The following CRHBP variants were observed in gnomAD, a reference collection of about 807,000 sequenced individuals.
CRHBP encodes the protein corticotropin-releasing hormone-binding protein.
Under a neutral mutation model 34.9 loss-of-function variants are expected in CRHBP, and 19 were observed. That is an observed-to-expected ratio of 0.55 (90% confidence interval 0.38 to 0.80). CRHBP has a LOEUF of 0.80. Among genes scored for constraint, CRHBP ranks in the 30% least tolerant of loss-of-function variants. The pLI is 0.00. For synonymous variants in CRHBP, 154 were observed against 153.4 expected (o/e 1.00, Z -0.03); for missense variants, 328 against 409.2 (o/e 0.80, Z 1.71).
At position 76,979,188 on chromosome 5, in the gene CRHBP, T is replaced by A. The variant is rs116598069; in HGVS notation, n.468-1773T>A. 8.1e-3 allele frequency among the ~76,000 whole-genome samples: 1,238 copies of A among 152,286 alleles called. 22 individuals carry two copies. Among genetic ancestry groups the A allele is most frequent in the African/African-American group, 0.028 (1,182 of 41,544 alleles). ...GTCTCTTCTTTTCTTTTCCTTTTTT[T>A]CGAGATGGGGTCTTTCTCTGTTGCC... is the stretch of plus-strand genomic sequence containing the variant. On this transcript the variant is annotated intron_variant and non_coding_transcript_variant, in intron 3 of 3. Coordinates refer to the CRHBP transcript ENST00000514258.
chr5:76,955,434 C>G (rs1201662512), intron 3 of CRHBP, among the ~76,000 whole-genome samples: 1 of 152,114 alleles, frequency 6.6e-6, no homozygotes, highest in African/African-American at 2.4e-5. Context: ...ACTTTGGAAG[C>G]TTTAAGGCTT....
chr5:76,974,805 T>TAC lies in CRHBP; in HGVS notation n.312-1556_312-1555dup, dbSNP rs2150711448. On this transcript the variant is annotated intron_variant and non_coding_transcript_variant, in intron 2 of 3. Coordinates refer to the CRHBP transcript ENST00000514258. ...TTTTTCTTCATTTGTTAAGACAAAC[T>TAC]ACACAAAGAGAAAAGAAACAGAGAT... Among the ~76,000 whole-genome samples, 2 of 152,252 alleles carry TAC rather than the reference T, an allele frequency of 1.3e-5. 1 individual carries two copies. The highest frequency in any genetic ancestry group is 4.1e-4 in the South Asian group (2 of 4,830).
At chr5:76,961,926 G>A (rs2150707337) in intron 5 of CRHBP, among the ~76,000 whole-genome samples, 1 of 152,162 alleles carries the variant, frequency 6.6e-6, no homozygotes, top group East Asian at 1.9e-4. Flanking sequence ...GCTAATTTTT[G>A]TATTTTTAGT....
chr5:76,978,458 A>G (rs147218236), intron 3 of CRHBP, among the ~76,000 whole-genome samples: 2 of 152,344 alleles, frequency 1.3e-5, no homozygotes, highest in Admixed American at 1.3e-4. Context: ...TAAAGGAACA[A>G]CAAAGCCTGG....
At chr5:76,975,591 C>A (rs1218011656) in intron 2 of CRHBP, among the ~76,000 whole-genome samples, 2 of 151,078 alleles carry the variant, frequency 1.3e-5, no homozygotes, top group Non-Finnish European at 2.9e-5. Flanking sequence ...TTACTTAAGG[C>A]CAGGAGTTCG....
At chr5:76,972,424 C>T (rs901302502), downstream of CRHBP, among the ~76,000 whole-genome samples, 3 of 151,980 alleles carry the variant, frequency 2.0e-5, no homozygotes, top group African/African-American at 7.2e-5. Context: ...CGCCTGAACC[C>T]GGGAGGCGGA....
At chr5:76,956,132 G>T (rs1745665019) in intron 4 of CRHBP, among the ~76,000 whole-genome samples, 2 of 152,156 alleles carry the variant, frequency 1.3e-5, no homozygotes, top group Admixed American at 6.5e-5. Context: ...AGCTTCTCAG[G>T]TTCTACAATG....
At chr5:76,959,747 C>G (rs1745747000) in intron 5 of CRHBP, among the ~76,000 whole-genome samples, 1 of 152,110 alleles carries the variant, frequency 6.6e-6, no homozygotes, top group Non-Finnish European at 1.5e-5. Context: ...TAAGTTGGAA[C>G]TTAGTGGAAG....
intron 6 of CRHBP, among the ~76,000 whole-genome samples, chr5:76,965,219 C>T (rs1473586737): frequency 6.6e-6 from 1 of 152,064 alleles, no homozygotes; most frequent in Non-Finnish European, 1.5e-5. Flanking sequence ...GGATGGGGAG[C>T]ATCTTGGAAC....
chr5:76,966,522 G>C (rs1054401569), intron 6 of CRHBP, among the ~76,000 whole-genome samples: 3 of 152,142 alleles, frequency 2.0e-5, no homozygotes, highest in Admixed American at 2.0e-4. Context: ...CTTGGGCTTG[G>C]GGGAGATGCG....
chr5:76,975,803 C>CA (rs1158363151), intron 2 of CRHBP, among the ~76,000 whole-genome samples: 373 of 35,166 alleles, frequency 0.011, 21 homozygotes, highest in Admixed American at 0.04. Flanking sequence ...GACTCTGTCT[C>CA]AAAAAAAAAA....
chr5:76,974,824 C>T (rs903948775), intron 2 of CRHBP, among the ~76,000 whole-genome samples: 2 of 152,008 alleles, frequency 1.3e-5, no homozygotes, highest in African/African-American at 4.8e-5. Flanking sequence ...AGAAAAGAAA[C>T]AGAGATACGA....
At chr5:76,977,714 C>T (rs1222653086) in intron 3 of CRHBP, among the ~76,000 whole-genome samples, 2 of 152,148 alleles carry the variant, frequency 1.3e-5, no homozygotes, top group Non-Finnish European at 2.9e-5. Flanking sequence ...TCTACAATGA[C>T]CTCTAAGTGT....
chr5:76,969,901 C>T (rs950213876), downstream of CRHBP, among the ~76,000 whole-genome samples: 14 of 124,280 alleles, frequency 1.1e-4, no homozygotes, highest in Non-Finnish European at 2.2e-4. Flanking sequence ...CATCTTGGAG[C>T]AAAAAGGAAG....
downstream of CRHBP, among the ~76,000 whole-genome samples, chr5:76,972,201 A>T (rs958317052): frequency 8.6e-3 from 1,273 of 148,800 alleles, 21 homozygotes; most frequent in African/African-American, 0.029. Flanking sequence ...TGGCTAATTA[A>T]AAAAAAAAAA....
At chr5:76,957,193 G>T (rs2150705631) in intron 4 of CRHBP, among the ~76,000 whole-genome samples, 1 of 151,932 alleles carries the variant, frequency 6.6e-6, no homozygotes, top group East Asian at 1.9e-4. Context: ...TTTTAAAAAA[G>T]TTTATTAAAA....
chr5:76,968,626 G>T (rs558859795), intron 6 of CRHBP, 102 bp from the exon 7 acceptor site: 1 of 1,199,494 alleles, frequency 8.3e-7, no homozygotes, highest in Non-Finnish European at 1.2e-6. Flanking sequence ...GAGGAAGATA[G>T]GTCTCCTTGC....
At chr5:76,954,356 G>A (rs1426882138) in intron 3 of CRHBP, among the ~76,000 whole-genome samples, 170 bp downstream of exon 3, 2 of 152,172 alleles carry the variant, frequency 1.3e-5, no homozygotes, top group African/African-American at 4.8e-5. Context: ...CCCCCACACG[G>A]CGAGAATCTC....
rs1196136316 is a variant in CRHBP at position 76,953,225 on chromosome 5, C to G, written c.81+10C>G. 1.2e-6 allele frequency: 2 copies of G among 1,612,930 alleles called. No individual in the cohort carries two copies. The highest frequency in any genetic ancestry group is 8.5e-7 in the Non-Finnish European group (1 of 1,178,936). ...AAGCCGGTACCTAGAGGTGAGCCAC[C>G]CCTGGACTGACCCATCTCACCTTCC... is the stretch of plus-strand genomic sequence containing the variant. On this transcript the variant is annotated intron_variant, in intron 1 of 6. Coordinates refer to ENST00000274368, the MANE Select transcript of CRHBP (RefSeq NM_001882.4).
Sources: gnomAD v4.1 joint callset for allele counts (sites outside exome capture counted in the v4.1 genomes callset) on GRCh38, gnomAD v4.1.1 for gene constraint, MANE v1.5 for transcripts, NCBI Gene and HGNC (gene_info 2026-07-23, HGNC 2026-07-21) for gene names.